The following DNAJC11 variants were observed in gnomAD, a reference collection of about 807,000 sequenced individuals.
DNAJC11 encodes the protein DnaJ heat shock protein family (Hsp40) member C11, also known as dnaJ homolog subfamily C member 11.
A neutral mutation model predicts 78.6 loss-of-function variants in DNAJC11; 15 were observed. The ratio of observed to expected loss-of-function variants is 0.19; its 90% confidence interval spans 0.13 to 0.29. The LOEUF (loss-of-function observed/expected upper bound fraction) is 0.29. DNAJC11 is among the 10% of genes least tolerant of loss of function. DNAJC11 has a pLI of 1.00. For synonymous variants in DNAJC11, 292 were observed against 272.1 expected (o/e 1.07, Z -0.72); for missense variants, 547 against 709.6 (o/e 0.77, Z 2.60).
At chr1:6,685,206 C>T (rs991823952) in intron 1 of DNAJC11, among the ~76,000 whole-genome samples, 3 of 152,212 alleles carry the variant, frequency 2.0e-5, no homozygotes, top group Non-Finnish European at 4.4e-5. Context: ...GTCTGTACCA[C>T]GATTGCATTT....
intron 3 of DNAJC11, 186 bp from the exon 4 acceptor site, chr1:6,667,996 G>A: frequency 1.7e-6 from 1 of 603,806 alleles, no homozygotes; most frequent in Non-Finnish European, 3.0e-6. Flanking sequence ...GTGAGGGAGA[G>A]CTCACTGCCC....
intron 10 of DNAJC11, among the ~76,000 whole-genome samples, chr1:6,640,977 C>T (rs60089315): frequency 1.5e-3 from 221 of 152,322 alleles, no homozygotes; most frequent in African/African-American, 4.6e-3. Context: ...ACATCACAAA[C>T]TGCTGAAAAG....
chr1:6,663,308 CA>C (rs563285120), intron 4 of DNAJC11, among the ~76,000 whole-genome samples: 73 of 152,272 alleles, frequency 4.8e-4, no homozygotes, highest in African/African-American at 1.7e-3. Flanking sequence ...CACCCCCAAA[CA>C]AACCTAACTT....
At chr1:6,701,641 GC>G (rs1642931113) in intron 1 of DNAJC11, 87 bp downstream of exon 1, 2 of 1,359,514 alleles carry the variant, frequency 1.5e-6, no homozygotes, top group Admixed American at 2.7e-5. Context: ...GCCTCCCGTG[GC>G]GGGGGTGGGG....
chr1:6,699,170 T>C (rs1642886069), intron 1 of DNAJC11, among the ~76,000 whole-genome samples: 1 of 151,786 alleles, frequency 6.6e-6, no homozygotes, highest in Non-Finnish European at 1.5e-5. Context: ...TATGGTGGCA[T>C]GTGCCTGTGG....
At chr1:6,686,229 A>C (rs1327356515) in intron 1 of DNAJC11, among the ~76,000 whole-genome samples, 1 of 152,246 alleles carries the variant, frequency 6.6e-6, no homozygotes. Context: ...GATAACATTA[A>C]GAATGTAAAG....
chr1:6,647,011 G>A (rs1641975807), intron 7 of DNAJC11, among the ~76,000 whole-genome samples: 1 of 150,236 alleles, frequency 6.7e-6, no homozygotes, highest in African/African-American at 2.4e-5. Flanking sequence ...CACAAAATTA[G>A]CCAGGTGTAG....
intron 3 of DNAJC11, among the ~76,000 whole-genome samples, chr1:6,669,192 AAAAAAG>A (rs1642336729): frequency 1.3e-5 from 2 of 151,280 alleles, no homozygotes; most frequent in African/African-American, 2.4e-5. Context: ...CTCTTAAAAA[AAAAAAG>A]AAAAAGAAAA....
In DNAJC11 at chr1:6,640,294, C is replaced by G. The variant is rs533989268; in HGVS notation, c.1098-237G>C. Reference sequence around the variant, plus strand: ...GATCCCAGTGTCTGCTGACCTCAAGCCAAAGCAACAAGAGGAACACTTCAC... The same window carrying G: ...GATCCCAGTGTCTGCTGACCTCAAGGCAAAGCAACAAGAGGAACACTTCAC... On this transcript the variant is annotated intron_variant, in intron 10 of 15. Coordinates refer to ENST00000377577, the MANE Select transcript of DNAJC11 (RefSeq NM_018198.4). Among the ~76,000 whole-genome samples, 46 of 152,244 alleles carry G rather than the reference C, an allele frequency of 3.0e-4. 1 individual carries two copies. In the South Asian group the frequency reaches 8.3e-3, roughly 27 times the overall value.
intron 7 of DNAJC11, chr1:6,651,196 G>T (rs1328474955): frequency 3.5e-6 from 2 of 571,742 alleles, no homozygotes; most frequent in Non-Finnish European, 7.0e-6. Context: ...ACAATGGAAC[G>T]ATCCATAAGT....
intron 7 of DNAJC11, among the ~76,000 whole-genome samples, chr1:6,649,379 C>G (rs1642019271): frequency 6.6e-6 from 1 of 152,128 alleles, no homozygotes; most frequent in Non-Finnish European, 1.5e-5. Flanking sequence ...CCGTGTTAGC[C>G]AGGATGGTCT....
intron 1 of DNAJC11, among the ~76,000 whole-genome samples, chr1:6,690,752 G>C (rs941119941): frequency 6.6e-6 from 1 of 152,138 alleles, no homozygotes; most frequent in Non-Finnish European, 1.5e-5. Flanking sequence ...GTGAAACCCC[G>C]TCTCTACCAA....
At chr1:6,685,224 C>T (rs1642635305) in intron 1 of DNAJC11, among the ~76,000 whole-genome samples, 1 of 152,204 alleles carries the variant, frequency 6.6e-6, no homozygotes, top group Non-Finnish European at 1.5e-5. Context: ...TTTGGTTAGG[C>T]TAGGCTAGAT....
intron 10 of DNAJC11, among the ~76,000 whole-genome samples, chr1:6,642,387 G>A (rs1461058692): frequency 6.6e-6 from 1 of 152,230 alleles, no homozygotes; most frequent in Non-Finnish European, 1.5e-5. Flanking sequence ...GCCGCAGTGA[G>A]GTTGAGAAAT....
At chr1:6,685,572 C>G (rs1332728222) in intron 1 of DNAJC11, among the ~76,000 whole-genome samples, 1 of 152,174 alleles carries the variant, frequency 6.6e-6, no homozygotes, top group Non-Finnish European at 1.5e-5. Flanking sequence ...TCAATCCGAG[C>G]TCCTCTGCCC....
chr1:6,688,210 C>T (rs1212440707), intron 1 of DNAJC11, among the ~76,000 whole-genome samples: 3 of 152,194 alleles, frequency 2.0e-5, no homozygotes, highest in Non-Finnish European at 4.4e-5. Context: ...TGGACTGAGT[C>T]TCCATAAGCC....
At position 6,689,945 on chromosome 1, in the gene DNAJC11, C is replaced by T. The variant is rs943264170; in HGVS notation, c.73-8908G>A. On this transcript the variant is annotated intron_variant, in intron 1 of 15. Transcript: ENST00000377577. Reference sequence around the variant, plus strand: ...TGCATTTACACAGATTTACAGCTAACAAAATAATTCCACTATTTCCTCACT... The same window carrying T: ...TGCATTTACACAGATTTACAGCTAATAAAATAATTCCACTATTTCCTCACT... 3.3e-5 allele frequency among the ~76,000 whole-genome samples: 5 copies of T among 152,130 alleles called. No individual in the cohort carries two copies. In the East Asian group the frequency reaches 5.8e-4, roughly 18 times the overall value.
rs532162727 is a variant in DNAJC11 at position 6,634,819 on chromosome 1, G to A, written c.*856C>T. ...ACCACGGGCCGGGCCTGGGGTCCAC[G>A]CCTTTGGGTTGGGTGTGTCTGATGT... On this transcript the variant is annotated 3_prime_UTR_variant, in exon 16 of 16. Transcript: ENST00000377577. The A allele has an allele frequency of 2.4e-5, 30 of 1,263,926 alleles. No homozygotes were observed. The highest frequency in any genetic ancestry group is 3.2e-4 in the Middle Eastern group (1 of 3,146). 78.3% of individuals were successfully genotyped at this position (1,263,926 alleles called of 1,614,324 possible).
chr1:6,634,295 T>C lies in DNAJC11; in HGVS notation c.*1380A>G, dbSNP rs917046261. 2.7e-5 allele frequency: 24 copies of C among 905,132 alleles called. No individual in the cohort carries two copies. Among genetic ancestry groups the C allele is most frequent in the East Asian group, 5.4e-5 (2 of 36,786 alleles). 56.1% of individuals were successfully genotyped at this position (905,132 alleles called of 1,614,324 possible). On this transcript the variant is annotated 3_prime_UTR_variant, in exon 16 of 16. Transcript: ENST00000377577. ...ACGGGAAGCCCGGGGCCCAGGCTCA[T>C]GCAACACGACGCTCACCGCGGCTCG...
Sources: gnomAD v4.1 joint callset for allele counts (sites outside exome capture counted in the v4.1 genomes callset) on GRCh38, gnomAD v4.1.1 for gene constraint, MANE v1.5 for transcripts, NCBI Gene and HGNC (gene_info 2026-07-23, HGNC 2026-07-21) for gene names.